CACNA2D3: variants seen among roughly 807,000 people sequenced by gnomAD.
CACNA2D3 encodes the protein voltage-dependent calcium channel subunit alpha-2/delta-3.
A neutral mutation model predicts 160.6 loss-of-function variants in CACNA2D3; 60 were observed. That is an observed-to-expected ratio of 0.37 (90% CI 0.30 to 0.46). The LOEUF (loss-of-function observed/expected upper bound fraction) is 0.46, where lower values mean the gene tolerates loss of function less well. Ranked by LOEUF, CACNA2D3 falls within the 20% of genes least tolerant of loss-of-function variation. CACNA2D3 has a pLI of 1.00. For synonymous variants in CACNA2D3, 558 were observed against 492.9 expected (o/e 1.13, Z -1.75); for missense variants, 1,205 against 1,365.0 (o/e 0.88, Z 1.85).
At chr3:54,513,064 C>T (rs1010500391) in intron 5 of CACNA2D3, among the ~76,000 whole-genome samples, 1 of 152,028 alleles carries the variant, frequency 6.6e-6, no homozygotes, top group Non-Finnish European at 1.5e-5. Flanking sequence ...TCAATTTCCT[C>T]CCCCCAGGTC....
intron 29 of CACNA2D3, 23 bp from the exon 30 acceptor site, chr3:54,984,585 T>TG: frequency 6.9e-7 from 1 of 1,444,376 alleles, no homozygotes; most frequent in African/African-American, 1.4e-5. Context: ...TTTTTTGTTT[T>TG]TGTTTTTTTT....
intron 13 of CACNA2D3, among the ~76,000 whole-genome samples, chr3:54,766,023 A>C (rs1702217597): frequency 6.6e-6 from 1 of 152,154 alleles, no homozygotes; most frequent in African/African-American, 2.4e-5. Flanking sequence ...AGTAGAAGAA[A>C]ACCTGGGTAA....
chr3:54,253,116 T>C (rs78706812), intron 2 of CACNA2D3, among the ~76,000 whole-genome samples: 125 of 148,810 alleles, frequency 8.4e-4, no homozygotes, highest in African/African-American at 2.9e-3. Context: ...TCTTTTTTTT[T>C]TTTTTTGCTC....
In CACNA2D3 at chr3:54,440,461, G is replaced by A. The variant is rs117990108; in HGVS notation, c.381+53687G>A. ...CAGACTTTTCAAGGGTAGGAATGGT[G>A]TCTTCTATTTCTTTTTAAAAAAATT... On this transcript the variant is annotated intron_variant, in intron 4 of 37. Transcript: ENST00000474759. Among the ~76,000 whole-genome samples, 512 of 152,094 alleles carry A rather than the reference G, an allele frequency of 3.4e-3. 20 individuals carry two copies. The East Asian group carries it at 0.074, about 22-fold the overall frequency.
At chr3:54,217,313 G>A (rs1344106612) in intron 2 of CACNA2D3, among the ~76,000 whole-genome samples, 2 of 152,184 alleles carry the variant, frequency 1.3e-5, no homozygotes, top group East Asian at 3.9e-4. Flanking sequence ...GCCAGTGGCA[G>A]TGTCCCTTCC....
chr3:54,889,050 C>T (rs190096015), intron 24 of CACNA2D3, among the ~76,000 whole-genome samples: 205 of 152,226 alleles, frequency 1.3e-3, no homozygotes, highest in Non-Finnish European at 2.2e-3. Flanking sequence ...GGCAGCATTC[C>T]AGGAACAGCA....
chr3:54,467,532 C>T (rs955753022), intron 4 of CACNA2D3, among the ~76,000 whole-genome samples: 1 of 152,160 alleles, frequency 6.6e-6, no homozygotes, highest in African/African-American at 2.4e-5. Flanking sequence ...CTCTGTGAGT[C>T]TGGTGTCCTC....
At chr3:54,752,222 A>G (rs796365684) in intron 11 of CACNA2D3, among the ~76,000 whole-genome samples, 5 of 152,300 alleles carry the variant, frequency 3.3e-5, no homozygotes, top group African/African-American at 1.2e-4. Context: ...TCCCAAGAAG[A>G]GCACACTCTG....
intron 9 of CACNA2D3, among the ~76,000 whole-genome samples, chr3:54,598,803 G>A (rs1010595008): frequency 6.6e-6 from 1 of 152,126 alleles, no homozygotes; most frequent in African/African-American, 2.4e-5. Context: ...ATTCACGCTC[G>A]TGTCCTTGGC....
intron 9 of CACNA2D3, among the ~76,000 whole-genome samples, chr3:54,609,205 T>TCA (rs1037258610): frequency 6.6e-6 from 1 of 151,986 alleles, no homozygotes; most frequent in African/African-American, 2.4e-5. Context: ...AGTGAAAAGG[T>TCA]CACTAAAAGA....
At chr3:55,062,592 C>G (rs80118140) in intron 35 of CACNA2D3, among the ~76,000 whole-genome samples, 3,501 of 152,294 alleles carry the variant, frequency 0.023, 131 homozygotes, top group African/African-American at 0.076. Context: ...AAGACAGTAG[C>G]TGGCCTACTC....
intron 12 of CACNA2D3, among the ~76,000 whole-genome samples, chr3:54,754,795 T>C (rs1030710446): frequency 3.3e-5 from 5 of 152,186 alleles, no homozygotes; most frequent in East Asian, 3.9e-4. Context: ...GAAGGGTTTG[T>C]GGGTCTTAGC....
chr3:54,895,989 T>C (rs1677478149), intron 25 of CACNA2D3, among the ~76,000 whole-genome samples: 1 of 152,194 alleles, frequency 6.6e-6, no homozygotes, highest in Non-Finnish European at 1.5e-5. Context: ...TAAAAGGCTA[T>C]ATGAAAGTTA....
chr3:54,859,843 G>A (rs906928240), intron 17 of CACNA2D3, among the ~76,000 whole-genome samples: 2 of 152,112 alleles, frequency 1.3e-5, no homozygotes, highest in Admixed American at 6.6e-5. Flanking sequence ...AGCCATGACA[G>A]TTTCTTTCCT....
In CACNA2D3 at chr3:54,761,816, A is replaced by G. The variant is rs1315876125; in HGVS notation, c.1247-2402A>G. Among the ~76,000 whole-genome samples the G allele has an allele frequency of 4.6e-5, 7 of 152,166 alleles. No homozygotes were observed. The East Asian group carries it at 1.3e-3, about 29-fold the overall frequency. ...CTGTCATCAGGAACCCAGAAGCCAC[A>G]TGGTCCCAACCTGGTTTGGGGTTGG... On this transcript the variant is annotated intron_variant, in intron 12 of 37. Transcript: ENST00000474759.
At chr3:54,676,141 C>A (rs1293486910) in intron 11 of CACNA2D3, among the ~76,000 whole-genome samples, 1 of 152,194 alleles carries the variant, frequency 6.6e-6, no homozygotes, top group Admixed American at 6.5e-5. Flanking sequence ...GGGAATCATG[C>A]ATTAACACAG....
intron 6 of CACNA2D3, among the ~76,000 whole-genome samples, chr3:54,568,949 G>T (rs1158851823): frequency 6.6e-6 from 1 of 152,150 alleles, no homozygotes; most frequent in Non-Finnish European, 1.5e-5. Context: ...AGCTGAGTCA[G>T]GATTCTCTCC....
chr3:54,605,261 G>A (rs1698578632), intron 9 of CACNA2D3, among the ~76,000 whole-genome samples: 2 of 152,130 alleles, frequency 1.3e-5, no homozygotes, highest in Non-Finnish European at 2.9e-5. Flanking sequence ...TAGGACTGAG[G>A]ATTAGGGCTT....
At chr3:54,797,121 C>CAGAG (rs1192019056) in intron 13 of CACNA2D3, among the ~76,000 whole-genome samples, 1 of 152,214 alleles carries the variant, frequency 6.6e-6, no homozygotes, top group African/African-American at 2.4e-5. Context: ...ATGATGCTCT[C>CAGAG]TGTCTTGAAG....
Sources: allele counts gnomAD v4.1 joint callset (sites outside exome capture counted in the v4.1 genomes callset), GRCh38; gene constraint gnomAD v4.1.1; transcripts MANE v1.5; gene names NCBI Gene and HGNC (gene_info 2026-07-23, HGNC 2026-07-21).